Variants in CTNNA3 observed in about 807,000 individuals in gnomAD.
CTNNA3 encodes the protein catenin alpha 3, also known as catenin alpha-3.
A neutral mutation model predicts 95.7 loss-of-function variants in CTNNA3; 76 were observed. The ratio of observed to expected loss-of-function variants is 0.79; its 90% confidence interval spans 0.66 to 0.96. The LOEUF is 0.96. Ranked by LOEUF, CTNNA3 falls within the 40% of genes least tolerant of loss-of-function variation. The pLI, the probability that CTNNA3 is intolerant of heterozygous loss-of-function variation, is 0.00. For missense variants in CTNNA3, 1,191 were observed against 1,089.8 expected, an observed-to-expected ratio of 1.09 and a Z score of -1.31; for synonymous variants, 431 against 374.4, an observed-to-expected ratio of 1.15 and a Z score of -1.74.
chr10:67,601,678 C>G (rs568228794), intron 3 of CTNNA3, among the ~76,000 whole-genome samples: 1 of 152,182 alleles, frequency 6.6e-6, no homozygotes, highest in East Asian at 1.9e-4. Flanking sequence ...TCCTGGGTAA[C>G]TGCTATACGA....
intron 1 of CTNNA3, among the ~76,000 whole-genome samples, chr10:67,716,298 A>G (rs1294058098): frequency 6.6e-6 from 1 of 152,132 alleles, no homozygotes; most frequent in Non-Finnish European, 1.5e-5. Flanking sequence ...TCTAATTCTG[A>G]TTGTTGATAA....
At chr10:67,581,044 C>T (rs1842374800) in intron 3 of CTNNA3, among the ~76,000 whole-genome samples, 3 of 152,092 alleles carry the variant, frequency 2.0e-5, no homozygotes, top group Admixed American at 6.6e-5. Flanking sequence ...ATTGAATACC[C>T]TTTATTTCCT....
intron 3 of CTNNA3, among the ~76,000 whole-genome samples, chr10:67,562,339 A>G (rs1218352410): frequency 1.3e-5 from 2 of 152,178 alleles, no homozygotes; most frequent in Admixed American, 6.6e-5. Flanking sequence ...TTCAACATAC[A>G]CAAATCAATA....
chr10:66,187,264 T>C (rs1019192230), intron 13 of CTNNA3, among the ~76,000 whole-genome samples: 17 of 151,904 alleles, frequency 1.1e-4, no homozygotes, highest in African/African-American at 3.9e-4. Context: ...CTACAAAGAA[T>C]TAGCAGCAAT....
At chr10:66,400,441 A>G (rs2093011508) in intron 11 of CTNNA3, among the ~76,000 whole-genome samples, 1 of 152,112 alleles carries the variant, frequency 6.6e-6, no homozygotes, top group African/African-American at 2.4e-5. Context: ...TGAGGGGCCT[A>G]ATGGCAAATG....
chr10:65,933,389 A>G (rs1332318598), intron 17 of CTNNA3, among the ~76,000 whole-genome samples: 2 of 152,162 alleles, frequency 1.3e-5, no homozygotes, highest in African/African-American at 2.4e-5. Context: ...ACTCACTTGC[A>G]TTCTGATATA....
intron 7 of CTNNA3, among the ~76,000 whole-genome samples, chr10:66,874,157 T>C (rs1366309547): frequency 6.6e-6 from 1 of 152,040 alleles, no homozygotes; most frequent in African/African-American, 2.4e-5. Context: ...GGAACAAGTG[T>C]ACCTTAGAAC....
At chr10:66,944,768 G>C (rs987289511) in intron 7 of CTNNA3, among the ~76,000 whole-genome samples, 2 of 152,150 alleles carry the variant, frequency 1.3e-5, no homozygotes, top group African/African-American at 4.8e-5. Flanking sequence ...CTGATTCATA[G>C]GCTGCAGAAT....
chr10:66,969,115 C>A (rs1201583449), intron 7 of CTNNA3, among the ~76,000 whole-genome samples: 4 of 151,976 alleles, frequency 2.6e-5, no homozygotes, highest in Non-Finnish European at 4.4e-5. Flanking sequence ...TATTTTCTGA[C>A]TGCAAAAGCA....
chr10:66,647,200 A>C (rs1433449241), intron 9 of CTNNA3, among the ~76,000 whole-genome samples: 1 of 152,186 alleles, frequency 6.6e-6, no homozygotes, highest in Non-Finnish European at 1.5e-5. Flanking sequence ...TAAAGGGTTC[A>C]TACACTACAA....
At chr10:66,663,853 C>T (rs531892355) in intron 9 of CTNNA3, among the ~76,000 whole-genome samples, 2 of 152,132 alleles carry the variant, frequency 1.3e-5, no homozygotes, top group Non-Finnish European at 2.9e-5. Context: ...AAAATTGTTA[C>T]ACTGTGAATT....
At chr10:66,709,602 CT>C (rs1277330040) in intron 9 of CTNNA3, among the ~76,000 whole-genome samples, 2 of 152,004 alleles carry the variant, frequency 1.3e-5, no homozygotes, top group East Asian at 3.9e-4. Context: ...ATATTTATTC[CT>C]TATTACTTCT....
intron 17 of CTNNA3, among the ~76,000 whole-genome samples, chr10:65,943,752 A>G (rs1457370836): frequency 6.6e-6 from 1 of 152,160 alleles, no homozygotes; most frequent in Non-Finnish European, 1.5e-5. Flanking sequence ...ATCTTCCCCC[A>G]GTTTTATCTT....
rs142374022 is a variant in CTNNA3, at chr10:67,090,452, T to C, written c.1047+89865A>G. The stretch of plus-strand genomic sequence containing the variant: ...TGTTACAGAGAATCAGATGCCTATA[T>C]TGTGTTCACCTCTCTAGGTTCTAAG... On this transcript the variant is annotated intron_variant, in intron 7 of 17. Coordinates refer to ENST00000433211, the MANE Select transcript of CTNNA3 (RefSeq NM_013266.4). 2.5e-3 allele frequency among the ~76,000 whole-genome samples: 385 copies of C among 152,232 alleles called. 1 individual carries two copies. The highest frequency in any genetic ancestry group is 8.8e-3 in the African/African-American group (367 of 41,554).
chr10:67,714,953 A>G (rs3125308), intron 1 of CTNNA3, among the ~76,000 whole-genome samples: 60 of 152,312 alleles, frequency 3.9e-4, no homozygotes, highest in African/African-American at 1.3e-3. Flanking sequence ...CCCCAGCCAT[A>G]TGGAGCTGGA....
intron 13 of CTNNA3, among the ~76,000 whole-genome samples, chr10:66,147,366 A>G (rs1416124578): frequency 6.6e-6 from 1 of 152,110 alleles, no homozygotes; most frequent in Non-Finnish European, 1.5e-5. Context: ...GCAAAGATTA[A>G]AAAGAACTAA....
intron 9 of CTNNA3, among the ~76,000 whole-genome samples, chr10:66,735,610 T>C (rs1849109150): frequency 1.3e-5 from 2 of 152,156 alleles, no homozygotes; most frequent in Admixed American, 6.5e-5. Flanking sequence ...GTCAGTCTTG[T>C]TTTGTTTGAA....
intron 7 of CTNNA3, among the ~76,000 whole-genome samples, chr10:66,908,142 A>G (rs139147936): frequency 1.1e-3 from 169 of 152,346 alleles, no homozygotes; most frequent in African/African-American, 3.9e-3. Context: ...TACTTGGCAT[A>G]ACTGAGTAAG....
At chr10:66,544,057 T>C (rs1841962590) in intron 10 of CTNNA3, among the ~76,000 whole-genome samples, 1 of 151,388 alleles carries the variant, frequency 6.6e-6, no homozygotes, top group African/African-American at 2.4e-5. Flanking sequence ...GCTTCAGCCT[T>C]TGAAACAAGT....
Sources: gnomAD v4.1 joint callset for allele counts (sites outside exome capture counted in the v4.1 genomes callset) on GRCh38, gnomAD v4.1.1 for gene constraint, MANE v1.5 for transcripts, NCBI Gene and HGNC (gene_info 2026-07-23, HGNC 2026-07-21) for gene names.